The following COL6A5 variants were observed in gnomAD, a reference collection of about 807,000 sequenced individuals.
COL6A5 encodes the protein collagen type VI alpha 5 chain.
Under a neutral mutation model 65.6 loss-of-function variants are expected in COL6A5, and 48 were observed. That is an observed-to-expected ratio of 0.73 (90% confidence interval 0.58 to 0.93). The LOEUF is 0.93. Among genes scored for constraint, COL6A5 ranks in the 40% least tolerant of loss-of-function variants. The probability of loss-of-function intolerance (pLI) is 0.00; values close to 1 mark genes in which losing one functional copy is unlikely to be tolerated. For missense variants in COL6A5, 914 were observed against 928.3 expected, an observed-to-expected ratio of 0.98 and a Z score of 0.20; for synonymous variants, 291 against 322.8, an observed-to-expected ratio of 0.90 and a Z score of 1.05.
intron 1 of COL6A5, 73 bp downstream of exon 1, chr3:130,346,054 GAGA>G: frequency 2.5e-6 from 1 of 398,414 alleles, no homozygotes; most frequent in Non-Finnish European, 4.4e-6. Flanking sequence ...AGGTGGATGT[GAGA>G]AGGATTCTCC....
chr3:130,460,878 A>T (rs943539839), intron 5 of COL6A5, among the ~76,000 whole-genome samples: 1 of 151,212 alleles, frequency 6.6e-6, no homozygotes, highest in Non-Finnish European at 1.5e-5. Context: ...TGGTGGTGGT[A>T]CTGGTGATGG....
rs1709889677 is a variant in COL6A5 at position 130,469,173 on chromosome 3, T to C, written c.1925T>C (p.Leu642Ser). The change falls in exon 6 of 8, where the codon TTG (leucine) becomes TCG (serine). Residue 642 changes from leucine to serine, a missense_variant. Leu to Ser is a moderately radical substitution (Grantham distance 145). Transcript: ENST00000512836. Reference sequence around the variant, plus strand: ...GGAGATGTTTTTATTGGCCATGCCTTGCAGTGGACAATTGACAATGTCTTT... The same window carrying C: ...GGAGATGTTTTTATTGGCCATGCCTCGCAGTGGACAATTGACAATGTCTTT... The C allele has an allele frequency of 2.5e-6, 4 of 1,613,260 alleles. No homozygotes were observed. The East Asian group carries it at 8.9e-5, about 36-fold the overall frequency.
chr3:130,349,632 A>C (rs1213125933), intron 1 of COL6A5, among the ~76,000 whole-genome samples: 5 of 152,226 alleles, frequency 3.3e-5, no homozygotes, highest in Non-Finnish European at 7.3e-5. Context: ...TCTTTAATTC[A>C]TAGATAACTA....
upstream of COL6A5, among the ~76,000 whole-genome samples, chr3:130,430,666 C>T (rs1455069799): frequency 1.3e-5 from 2 of 152,140 alleles, no homozygotes; most frequent in Non-Finnish European, 2.9e-5. Context: ...TTTATAAGAG[C>T]TTATTGCAAA....
intron 5 of COL6A5, among the ~76,000 whole-genome samples, chr3:130,386,348 G>A (rs1233360343): frequency 4.6e-5 from 7 of 152,092 alleles, no homozygotes; most frequent in Non-Finnish European, 7.4e-5. Context: ...CATAGTAAGC[G>A]CTACAAAAAA....
Position 130,484,032 on chromosome 3 carries a change from C to A in COL6A5, c.2329-3C>A, listed in dbSNP as rs1392725101. On this transcript the variant is annotated splice_region_variant and splice_polypyrimidine_tract_variant and intron_variant, in intron 7 of 7. Coordinates refer to ENST00000512836, the Ensembl canonical transcript of COL6A5. ...AAGCAGTGAATATTGTTATATTTTG[C>A]AGATGGTGAAGATACAAGGTCATCA... is the stretch of plus-strand genomic sequence containing the variant. 2 of 1,607,562 alleles carry A rather than the reference C, an allele frequency of 1.2e-6. No individual in the cohort carries two copies. Among genetic ancestry groups the A allele is most frequent in the Non-Finnish European group, 1.7e-6 (2 of 1,176,966 alleles).
chr3:130,376,957 T>G (rs1381384552), intron 3 of COL6A5, 121 bp downstream of exon 3: 1 of 1,127,242 alleles, frequency 8.9e-7, no homozygotes, highest in African/African-American at 1.6e-5. Flanking sequence ...ATTGGAAACT[T>G]CTACACATCA....
At chr3:130,351,309 A>G (rs1202785289) in intron 1 of COL6A5, among the ~76,000 whole-genome samples, 1 of 152,222 alleles carries the variant, frequency 6.6e-6, no homozygotes, top group Non-Finnish European at 1.5e-5. Flanking sequence ...CAAAATAGAC[A>G]AATGGGATCT....
intron 8 of COL6A5, among the ~76,000 whole-genome samples, chr3:130,396,846 C>T (rs1936618041): frequency 6.6e-6 from 1 of 152,276 alleles, no homozygotes; most frequent in African/African-American, 2.4e-5. Flanking sequence ...AAAGACAGCA[C>T]AAAACTTTAT....
chr3:130,356,244 T>C (rs1934922120), intron 1 of COL6A5, among the ~76,000 whole-genome samples: 1 of 152,160 alleles, frequency 6.6e-6, no homozygotes, highest in South Asian at 2.1e-4. Context: ...ATAAACCTTA[T>C]GAAATAACTA....
At chr3:130,401,591 A>G (rs540412727) in intron 11 of COL6A5, among the ~76,000 whole-genome samples, 171 bp from the exon 12 acceptor site, 1 of 152,304 alleles carries the variant, frequency 6.6e-6, no homozygotes, top group East Asian at 1.9e-4. Flanking sequence ...AGTGCCTGGT[A>G]CCTTCTCTGC....
intron 7 of COL6A5, among the ~76,000 whole-genome samples, chr3:130,483,375 A>G (rs1485794892): frequency 1.3e-5 from 2 of 152,218 alleles, no homozygotes; most frequent in African/African-American, 4.8e-5. Context: ...GCACACAACA[A>G]TATTAACCTT....
chr3:130,472,877 A>G (rs1351705346), intron 7 of COL6A5, among the ~76,000 whole-genome samples: 2 of 144,544 alleles, frequency 1.4e-5, no homozygotes, highest in Non-Finnish European at 3.0e-5. Flanking sequence ...ATAAATATAG[A>G]TATAGTTAAA....
At chr3:130,433,288 GAATACAAGA>G (rs1937897066) in intron 1 of COL6A5, among the ~76,000 whole-genome samples, 1 of 152,068 alleles carries the variant, frequency 6.6e-6, no homozygotes, top group African/African-American at 2.4e-5. Context: ...TAAAATTCCA[GAATACAAGA>G]AATCTTAATA....
At chr3:130,392,742 C>T (rs2107654741) in intron 7 of COL6A5, among the ~76,000 whole-genome samples, 1 of 152,282 alleles carries the variant, frequency 6.6e-6, no homozygotes, top group Middle Eastern at 3.4e-3. Context: ...CAAAACCTTA[C>T]CTCAAATCCT....
intron 1 of COL6A5, among the ~76,000 whole-genome samples, chr3:130,354,027 A>T (rs906227883): frequency 1.3e-5 from 2 of 151,960 alleles, no homozygotes; most frequent in Non-Finnish European, 2.9e-5. Context: ...AAGAAAAGAA[A>T]GAGAGAAGTA....
At chr3:130,440,272 G>A (rs1223003353) in exon 3 of COL6A5, 15 of 1,607,838 alleles carry the variant, frequency 9.3e-6, no homozygotes, top group Non-Finnish European at 1.2e-5. Flanking sequence ...CAAAGGATGA[G>A]TTTAAGGCTG....
chr3:130,437,410 T>C (rs1709058581), intron 1 of COL6A5, among the ~76,000 whole-genome samples: 1 of 152,164 alleles, frequency 6.6e-6, no homozygotes, highest in Non-Finnish European at 1.5e-5. Context: ...CATTATCTTC[T>C]GCCTAGACTG....
intron 1 of COL6A5, 40 bp downstream of exon 1, chr3:130,346,021 G>C (rs558960137): frequency 5.0e-6 from 2 of 398,690 alleles, no homozygotes; most frequent in Admixed American, 8.8e-5. Flanking sequence ...TGAGGCAGGC[G>C]GGGGAGGAAA....
Sources: gnomAD v4.1 joint callset for allele counts (sites outside exome capture counted in the v4.1 genomes callset) on GRCh38, gnomAD v4.1.1 for gene constraint, MANE v1.5 for transcripts, NCBI Gene and HGNC (gene_info 2026-07-23, HGNC 2026-07-21) for gene names.